PIK3C2A: variants seen among roughly 807,000 people sequenced by gnomAD.
The protein encoded by PIK3C2A is phosphatidylinositol-4-phosphate 3-kinase catalytic subunit type 2 alpha.
In PIK3C2A, 97 loss-of-function variants were observed where a neutral mutation model predicts 204.5. That is an observed-to-expected ratio of 0.47 (90% CI 0.40 to 0.56). The LOEUF is 0.56. PIK3C2A is among the 20% of genes least tolerant of loss of function. The pLI, the probability that PIK3C2A is intolerant of heterozygous loss-of-function variation, is 0.00. For synonymous variants in PIK3C2A, 653 were observed against 664.4 expected (o/e 0.98, Z 0.26); for missense variants, 1,735 against 1,969.2 (o/e 0.88, Z 2.25).
intron 1 of PIK3C2A, among the ~76,000 whole-genome samples, chr11:17,179,215 G>A (rs1851448073): frequency 6.6e-6 from 1 of 152,132 alleles, no homozygotes; most frequent in Non-Finnish European, 1.5e-5. Context: ...AGGCTGAAGT[G>A]CAGCGGCTCG....
intron 1 of PIK3C2A, among the ~76,000 whole-genome samples, chr11:17,188,209 A>ACTCATTAGCAGTCACAT (rs1247220427): frequency 7.6e-4 from 112 of 146,996 alleles, no homozygotes; most frequent in Middle Eastern, 3.4e-3. Flanking sequence ...ATGGTGGTGC[A>ACTCATTAGCAGTCACAT]TGCCTGTAAT....
chr11:17,115,483 G>C (rs1357528516), intron 19 of PIK3C2A, among the ~76,000 whole-genome samples: 3 of 150,500 alleles, frequency 2.0e-5, no homozygotes, highest in Non-Finnish European at 3.0e-5. Flanking sequence ...TGAGGCTGTG[G>C]TGAATTGTGA....
At chr11:17,099,761 A>C in intron 26 of PIK3C2A, 99 bp downstream of exon 26, 1 of 601,610 alleles carries the variant, frequency 1.7e-6, no homozygotes, top group Non-Finnish European at 2.9e-6. Flanking sequence ...TTGTTCCTAT[A>C]AATTAGAATT....
chr11:17,089,982 A>G, intron 32 of PIK3C2A, 62 bp from the exon 33 acceptor site: 1 of 1,263,734 alleles, frequency 7.9e-7, no homozygotes. Flanking sequence ...TTCTTGGAAC[A>G]TTTCAAGTGA....
chr11:17,155,911 A>C (rs1400265707), intron 2 of PIK3C2A, among the ~76,000 whole-genome samples: 2 of 152,208 alleles, frequency 1.3e-5, no homozygotes, highest in Non-Finnish European at 1.5e-5. Context: ...AAATATTCCT[A>C]AAATAGACAC....
chr11:17,093,163 G>C (rs78674038), intron 28 of PIK3C2A, among the ~76,000 whole-genome samples: 3,850 of 152,244 alleles, frequency 0.025, 64 homozygotes, highest in African/African-American at 0.051. Context: ...GAAAAAACTC[G>C]ACACAGGAAA....
Position 17,105,246 on chromosome 11 carries a change from C to T in PIK3C2A, c.3604G>A (p.Val1202Met). 6.2e-7 allele frequency: 1 copy of T among 1,609,538 alleles called. No individual in the cohort carries two copies. The highest frequency in any genetic ancestry group is 8.5e-7 in the Non-Finnish European group (1 of 1,176,858). ...GGTTTATCTTTAAAGGATCCTGTCA[C>T]ACCATATTCCACTTGGATTTTCCTG... ...TLRKIQVEYG[V>M]TGSFKDKPLA... Residue 1202 changes from valine to methionine, a missense_variant, in exon 23 of 33, where the codon GTG becomes ATG. Physicochemically the swap from Val to Met is conservative, Grantham distance 21 (BLOSUM62 1). Coordinates refer to ENST00000691414, the MANE Select transcript of PIK3C2A (RefSeq NM_002645.4).
chr11:17,126,014 C>A (rs1215431180), intron 13 of PIK3C2A, among the ~76,000 whole-genome samples: 2 of 152,022 alleles, frequency 1.3e-5, no homozygotes, highest in African/African-American at 4.8e-5. Context: ...ATCTCAGCTA[C>A]TCTGGAGGCT....
At chr11:17,171,896 G>C (rs1432487411) in intron 1 of PIK3C2A, among the ~76,000 whole-genome samples, 1 of 152,098 alleles carries the variant, frequency 6.6e-6, no homozygotes, top group Non-Finnish European at 1.5e-5. Flanking sequence ...ACTGTGCCTG[G>C]CTCTTACAAT....
rs764028788 is a variant in PIK3C2A at position 17,087,378 on chromosome 11, TA to T, written c.*2359del. 9 of 152,214 alleles carry T rather than the reference TA, an allele frequency of 5.9e-5. No homozygotes were observed. Among genetic ancestry groups the T allele is most frequent in the Non-Finnish European group, 1.2e-4 (8 of 68,028 alleles). 9.4% of individuals were successfully genotyped at this position (152,214 alleles called of 1,614,324 possible). The stretch of plus-strand genomic sequence containing the variant: ...ATTTCATAAAGAAATAAACTATATG[TA>T]AAATGTATGTGTGTTTGAATGAGTA... On this transcript the variant is annotated 3_prime_UTR_variant, in exon 33 of 33. Transcript: ENST00000691414.
intron 23 of PIK3C2A, among the ~76,000 whole-genome samples, chr11:17,103,969 T>C (rs560982789): frequency 6.6e-6 from 1 of 152,304 alleles, no homozygotes; most frequent in South Asian, 2.1e-4. Context: ...CAAAGAAGTA[T>C]GAAAAGGGAG....
intron 21 of PIK3C2A, among the ~76,000 whole-genome samples, chr11:17,111,066 C>G (rs554604162): frequency 6.6e-6 from 1 of 152,004 alleles, no homozygotes; most frequent in Admixed American, 6.6e-5. Flanking sequence ...TGCCACCACA[C>G]CTGGCTAATT....
chr11:17,109,068 G>A (rs1848916958), intron 22 of PIK3C2A, among the ~76,000 whole-genome samples: 1 of 152,204 alleles, frequency 6.6e-6, no homozygotes, highest in African/African-American at 2.4e-5. Context: ...GAACCGCCTT[G>A]AAATGCAGTG....
intron 1 of PIK3C2A, among the ~76,000 whole-genome samples, chr11:17,189,350 C>CACGCCTGT (rs1259328275): frequency 2.7e-5 from 4 of 146,720 alleles, no homozygotes; most frequent in Non-Finnish European, 5.9e-5. Flanking sequence ...TACGGCAGCT[C>CACGCCTGT]ACGCCTGTAA....
chr11:17,124,736 A>G (rs143154627), intron 13 of PIK3C2A, among the ~76,000 whole-genome samples: 1 of 152,356 alleles, frequency 6.6e-6, no homozygotes, highest in African/African-American at 2.4e-5. Context: ...TGCAAAGCCT[A>G]AACTACTTTT....
rs1312584736 is a variant in PIK3C2A at position 17,099,992 on chromosome 11, CTG to C, written c.4009-25_4009-24del. On this transcript the variant is annotated intron_variant, in intron 25 of 32. Transcript: ENST00000691414. ...CATCTGTAGAAGAAAACAAAAAGTT[CTG>C]TGAGTTAAATTTTTTAAAACATTTG... is the stretch of plus-strand genomic sequence containing the variant. 3 of 1,156,948 alleles carry C rather than the reference CTG, an allele frequency of 2.6e-6. No homozygotes were observed. The Middle Eastern group carries it at 5.9e-4, about 227-fold the overall frequency. The allele number at this position is 1,156,948 out of a possible 1,614,324, so 71.7% of individuals were successfully genotyped here.
intron 1 of PIK3C2A, among the ~76,000 whole-genome samples, chr11:17,204,943 C>G (rs192388547): frequency 4.5e-4 from 69 of 152,156 alleles, no homozygotes; most frequent in African/African-American, 1.3e-3. Flanking sequence ...TTTGGGAGGG[C>G]GAGGCGGGCG....
intron 8 of PIK3C2A, among the ~76,000 whole-genome samples, chr11:17,137,102 T>C (rs1849897450): frequency 1.3e-5 from 2 of 152,176 alleles, no homozygotes; most frequent in Admixed American, 1.3e-4. Flanking sequence ...AATGTATTAA[T>C]TCATAAAACA....
intron 6 of PIK3C2A, 142 bp downstream of exon 6, chr11:17,147,374 GC>G: frequency 1.7e-6 from 1 of 587,672 alleles, no homozygotes; most frequent in South Asian, 2.3e-5. Flanking sequence ...CCCCTCATTT[GC>G]TAAGAAGATT....
Sources: allele counts gnomAD v4.1 joint callset (sites outside exome capture counted in the v4.1 genomes callset), GRCh38; gene constraint gnomAD v4.1.1; transcripts MANE v1.5; gene names NCBI Gene and HGNC (gene_info 2026-07-23, HGNC 2026-07-21).